ST18: variants seen among roughly 807,000 people sequenced by gnomAD.
ST18 encodes the protein ST18 C2H2C-type zinc finger transcription factor, also known as suppression of tumorigenicity 18 protein.
In ST18, 50 loss-of-function variants were observed where a neutral mutation model predicts 110.0. That is an observed-to-expected ratio of 0.45 (90% CI 0.36 to 0.58). The LOEUF is 0.58. Among genes scored for constraint, ST18 ranks in the 20% least tolerant of loss-of-function variants. The pLI, the probability that ST18 is intolerant of heterozygous loss-of-function variation, is 0.00. For missense variants in ST18, 1,306 were observed against 1,280.1 expected (o/e 1.02, Z -0.31); for synonymous variants, 461 against 452.4 (o/e 1.02, Z -0.24).
chr8:52,323,057 T>G (rs530715939), intron 2 of ST18, among the ~76,000 whole-genome samples: 5 of 152,226 alleles, frequency 3.3e-5, no homozygotes, highest in African/African-American at 1.2e-4. Flanking sequence ...ACCTAGCTCC[T>G]CGGAGGAGTC....
chr8:52,276,139 C>CACCACACACACACATCA (rs1554804626), intron 2 of ST18, among the ~76,000 whole-genome samples: 1 of 7,074 alleles, frequency 1.4e-4, no homozygotes, highest in African/African-American at 4.5e-4. Flanking sequence ...CACACACACA[C>CACCACACACACACATCA]CACATGCACA....
At position 52,231,814 on chromosome 8, in the gene ST18, T is replaced by C. The variant is rs548403205; in HGVS notation, c.-464-1737A>G. ...GTGGCACATTCTGGTGCCAAAACTC[T>C]GAGGTTCTCACAAGGGTCCAGGTTC... On this transcript the variant is annotated intron_variant, in intron 2 of 25. Transcript: ENST00000689386. Among the ~76,000 whole-genome samples, 3 of 152,300 alleles carry C rather than the reference T, an allele frequency of 2.0e-5. No individual in the cohort carries two copies. The South Asian group carries it at 6.2e-4, about 32-fold the overall frequency.
chr8:52,326,138 C>T (rs1806284185), intron 2 of ST18, among the ~76,000 whole-genome samples: 1 of 152,186 alleles, frequency 6.6e-6, no homozygotes, highest in Non-Finnish European at 1.5e-5. Context: ...GACACATTCT[C>T]AGCTGCTTAT....
At chr8:52,152,670 G>A (rs2059114097) in intron 15 of ST18, among the ~76,000 whole-genome samples, 2 of 152,128 alleles carry the variant, frequency 1.3e-5, no homozygotes, top group Admixed American at 1.3e-4. Context: ...GGTTGTTTCT[G>A]CCTTCAACAA....
chr8:52,310,689 C>CTACT (rs1474576628), intron 2 of ST18, among the ~76,000 whole-genome samples: 1 of 152,158 alleles, frequency 6.6e-6, no homozygotes, highest in African/African-American at 2.4e-5. Context: ...TGGTTGCAGT[C>CTACT]TACTGTTCCC....
intron 8 of ST18, among the ~76,000 whole-genome samples, chr8:52,204,541 A>G (rs146738649): frequency 7.2e-5 from 11 of 152,284 alleles, no homozygotes; most frequent in Admixed American, 2.0e-4. Flanking sequence ...ACCCACAACA[A>G]TGCTGTTACA....
At chr8:52,398,220 T>G (rs930937197) in intron 2 of ST18, among the ~76,000 whole-genome samples, 2 of 152,172 alleles carry the variant, frequency 1.3e-5, no homozygotes, top group Admixed American at 6.5e-5. Flanking sequence ...TTCTTCCAGC[T>G]TGGATGTTAT....
chr8:52,271,065 A>AT (rs1246771270), intron 2 of ST18, among the ~76,000 whole-genome samples: 1 of 151,868 alleles, frequency 6.6e-6, no homozygotes, highest in Non-Finnish European at 1.5e-5. Context: ...CGCCCAGCTA[A>AT]TTTTTTGTAT....
At chr8:52,136,681 A>G (rs752272849) in intron 18 of ST18, 23 bp from the exon 19 acceptor site, 2 of 1,573,946 alleles carry the variant, frequency 1.3e-6, no homozygotes, top group East Asian at 2.3e-5. Context: ...GAGGAAAAAA[A>G]CACAACACAA....
intron 2 of ST18, among the ~76,000 whole-genome samples, chr8:52,267,235 T>A (rs1415404063): frequency 6.6e-6 from 1 of 151,788 alleles, no homozygotes; most frequent in Non-Finnish European, 1.5e-5. Flanking sequence ...GAGGCCATAC[T>A]TTAGGGAGCC....
intron 16 of ST18, among the ~76,000 whole-genome samples, chr8:52,144,294 A>T (rs1272500737): frequency 6.6e-6 from 1 of 152,136 alleles, no homozygotes; most frequent in Non-Finnish European, 1.5e-5. Flanking sequence ...GTACTGATGT[A>T]CTTAAGGTAA....
At chr8:52,398,066 C>G (rs961193841) in intron 2 of ST18, among the ~76,000 whole-genome samples, 5 of 152,026 alleles carry the variant, frequency 3.3e-5, no homozygotes, top group African/African-American at 1.2e-4. Flanking sequence ...TTAGTTCTTC[C>G]TATACATGGA....
At chr8:52,191,479 C>A (rs954164161) in intron 8 of ST18, among the ~76,000 whole-genome samples, 1 of 152,144 alleles carries the variant, frequency 6.6e-6, no homozygotes, top group Non-Finnish European at 1.5e-5. Context: ...AACAAGCAAG[C>A]CATATGAGCA....
intron 2 of ST18, among the ~76,000 whole-genome samples, chr8:52,385,059 TA>T (rs1836043996): frequency 6.6e-6 from 1 of 152,234 alleles, no homozygotes; most frequent in Non-Finnish European, 1.5e-5. Flanking sequence ...ATGTGTCCAA[TA>T]ACCCTCTGCC....
At chr8:52,276,946 T>G (rs2095279806) in intron 2 of ST18, among the ~76,000 whole-genome samples, 1 of 152,126 alleles carries the variant, frequency 6.6e-6, no homozygotes, top group Admixed American at 6.6e-5. Flanking sequence ...TTTGTATTTT[T>G]AGTAGAGACG....
intron 8 of ST18, chr8:52,206,269 GCA>G (rs1283734404): frequency 6.6e-6 from 1 of 152,196 alleles, no homozygotes; most frequent in African/African-American, 2.4e-5. Flanking sequence ...CACTCAGTGC[GCA>G]CCTGTTGAGG....
intron 8 of ST18, among the ~76,000 whole-genome samples, chr8:52,207,494 AAAAT>A (rs1309900077): frequency 1.1e-4 from 16 of 152,244 alleles, no homozygotes; most frequent in Non-Finnish European, 1.3e-4. Flanking sequence ...CCTGTCTCAA[AAAAT>A]AAATTAATTA....
At chr8:52,158,848 T>A in intron 15 of ST18, 50 bp downstream of exon 15, 1 of 1,600,744 alleles carries the variant, frequency 6.2e-7, no homozygotes, top group Non-Finnish European at 8.6e-7. Flanking sequence ...GGCAGTTTAT[T>A]CTCACAGTTC....
rs1258402889 is a variant in ST18 at position 52,122,907 on chromosome 8, CTAGAAATAAATTATATATA to C, written c.2755+3126_2755+3144del. ...CTAAAGGAGTGAGGAGAGTTAATAT[CTAGAAATAAATTATATATA>C]ACTATATTTAGGACACACTATTTTG... is the stretch of plus-strand genomic sequence containing the variant. On this transcript the variant is annotated intron_variant, in intron 23 of 25. Transcript: ENST00000689386. Among the ~76,000 whole-genome samples, 78 of 152,110 alleles carry C rather than the reference CTAGAAATAAATTATATATA, an allele frequency of 5.1e-4. 3 individuals carry two copies. The South Asian group carries it at 0.016, about 31-fold the overall frequency.
Sources: allele counts gnomAD v4.1 joint callset (sites outside exome capture counted in the v4.1 genomes callset), GRCh38; gene constraint gnomAD v4.1.1; transcripts MANE v1.5; gene names NCBI Gene and HGNC (gene_info 2026-07-23, HGNC 2026-07-21).